OSBPL9: variants seen among roughly 807,000 people sequenced by gnomAD.
The protein encoded by OSBPL9 is oxysterol-binding protein-related protein 9.
A neutral mutation model predicts 106.6 loss-of-function variants in OSBPL9; 40 were observed. The ratio of observed to expected loss-of-function variants is 0.38; its 90% confidence interval spans 0.29 to 0.49. OSBPL9 has a LOEUF of 0.49. Ranked by LOEUF, OSBPL9 falls within the 20% of genes least tolerant of loss-of-function variation. The probability of loss-of-function intolerance (pLI) is 0.97; values close to 1 mark genes in which losing one functional copy is unlikely to be tolerated. For synonymous variants in OSBPL9, 269 were observed against 295.4 expected, an observed-to-expected ratio of 0.91 and a Z score of 0.92; for missense variants, 609 against 887.2, an observed-to-expected ratio of 0.69 and a Z score of 3.98.
chr1:51,643,515 T>A (rs1645941541), intron 1 of OSBPL9, among the ~76,000 whole-genome samples: 1 of 152,080 alleles, frequency 6.6e-6, no homozygotes, highest in Admixed American at 6.6e-5. Flanking sequence ...TTCAGGGAAC[T>A]GAAAGATGAG....
chr1:51,558,804 T>C, the OSBPL9 span, among the ~76,000 whole-genome samples: 1 of 152,212 alleles, frequency 6.6e-6, no homozygotes, highest in African/African-American at 2.4e-5. Context: ...CCGGCTTTTC[T>C]GGGCAGTGGG....
chr1:51,681,389 T>G (rs1557681918), intron 3 of OSBPL9, among the ~76,000 whole-genome samples: 2 of 152,280 alleles, frequency 1.3e-5, no homozygotes, highest in South Asian at 2.1e-4. Context: ...TTTTATTCCT[T>G]TCCTTCAAAA....
intron 1 of OSBPL9, among the ~76,000 whole-genome samples, chr1:51,637,477 AAAAT>A (rs1264307116): frequency 3.3e-5 from 5 of 152,248 alleles, no homozygotes; most frequent in African/African-American, 1.2e-4. Context: ...CTGTCTCAAA[AAAAT>A]AAATAAATAA....
intron 2 of OSBPL9, among the ~76,000 whole-genome samples, chr1:51,657,755 A>G (rs1321771661): frequency 6.6e-6 from 1 of 152,174 alleles, no homozygotes; most frequent in African/African-American, 2.4e-5. Flanking sequence ...AAAACAAAAC[A>G]TTGGCATTTT....
rs41301267 is a variant in OSBPL9, at chr1:51,772,429, T to C, written c.1052-176T>C. On this transcript the variant is annotated intron_variant, in intron 13 of 23. Transcript: ENST00000428468. ...GCCAAGGAGGCTGATTCAGGAGAAT[T>C]GCTTGAACCTGGAAGATGGAGGTTT... Among the ~76,000 whole-genome samples the C allele has an allele frequency of 6.4e-3, 968 of 152,306 alleles. 7 individuals are homozygous for C. The highest frequency in any genetic ancestry group is 0.011 in the Non-Finnish European group (756 of 68,018).
Position 51,772,598 on chromosome 1 carries a change from A to ATT in OSBPL9, c.1052-4_1052-3dup. ...GCACCATTCTAATAAGATCTGCTTT[A>ATT]TTTTAGACCTGTTTGATTCACATGA... On this transcript the variant is annotated splice_region_variant and splice_polypyrimidine_tract_variant and intron_variant, in intron 13 of 23. Transcript: ENST00000428468. The ATT allele has an allele frequency of 6.2e-7, 1 of 1,606,730 alleles. No individual in the cohort carries two copies. The highest frequency in any genetic ancestry group is 8.5e-7 in the Non-Finnish European group (1 of 1,173,232).
intron 12 of OSBPL9, among the ~76,000 whole-genome samples, chr1:51,770,287 G>T (rs1673582972): frequency 6.6e-6 from 1 of 151,994 alleles, no homozygotes; most frequent in African/African-American, 2.4e-5. Context: ...GACTACAGGC[G>T]CATGCCACCA....
At chr1:51,530,193 C>CAAAAAAAAAA in the OSBPL9 span, among the ~76,000 whole-genome samples, 2 of 55,664 alleles carry the variant, frequency 3.6e-5, no homozygotes, top group South Asian at 6.1e-4. Context: ...AAAAAAAAAA[C>CAAAAAAAAAA]AAAAAAAAAA....
At chr1:51,662,092 G>A (rs1395347440) in intron 2 of OSBPL9, among the ~76,000 whole-genome samples, 1 of 152,314 alleles carries the variant, frequency 6.6e-6, no homozygotes, top group East Asian at 1.9e-4. Context: ...TTGTGTGAAG[G>A]TGAAGAAGAA....
At chr1:51,642,434 A>G (rs1645861473) in intron 1 of OSBPL9, among the ~76,000 whole-genome samples, 1 of 152,206 alleles carries the variant, frequency 6.6e-6, no homozygotes, top group African/African-American at 2.4e-5. Flanking sequence ...GGTATTCTGG[A>G]TCAGAGACAT....
chr1:51,585,030 C>T (rs1158720040), intron 1 of OSBPL9, among the ~76,000 whole-genome samples: 1 of 152,004 alleles, frequency 6.6e-6, no homozygotes, highest in African/African-American at 2.4e-5. Context: ...GTGAGCTAGC[C>T]ATGTGCAGTG....
At chr1:51,576,644 C>G (rs1645185753), upstream of OSBPL9, among the ~76,000 whole-genome samples, 1 of 151,982 alleles carries the variant, frequency 6.6e-6, no homozygotes, top group African/African-American at 2.4e-5. Flanking sequence ...CCTCCCAACT[C>G]AGCCTCCTAA....
chr1:51,764,525 A>G (rs72900013), intron 11 of OSBPL9, among the ~76,000 whole-genome samples: 18,827 of 151,764 alleles, frequency 0.12, 1,279 homozygotes, highest in Middle Eastern at 0.23. Context: ...GCTTTTTTTC[A>G]CAACTATTGA....
upstream of OSBPL9, among the ~76,000 whole-genome samples, chr1:51,613,007 T>G (rs950179944): frequency 3.3e-5 from 5 of 152,198 alleles, no homozygotes; most frequent in Non-Finnish European, 1.5e-5. Flanking sequence ...GAAGGATTGT[T>G]GAGGGGAATA....
At chr1:51,648,980 T>G (rs1053126808) in intron 1 of OSBPL9, among the ~76,000 whole-genome samples, 5 of 152,188 alleles carry the variant, frequency 3.3e-5, no homozygotes, top group Admixed American at 3.3e-4. Context: ...TATTGCCCTC[T>G]TTGTAAACCT....
At chr1:51,587,375 A>AAAG (rs775642144) in intron 1 of OSBPL9, among the ~76,000 whole-genome samples, 2 of 152,156 alleles carry the variant, frequency 1.3e-5, no homozygotes, top group Non-Finnish European at 2.9e-5. Flanking sequence ...AAAATAAAAA[A>AAAG]AAGAAGAAGA....
chr1:51,672,319 G>A (rs1047261351), intron 3 of OSBPL9, among the ~76,000 whole-genome samples: 9 of 152,196 alleles, frequency 5.9e-5, no homozygotes, highest in East Asian at 5.8e-4. Flanking sequence ...AGAAGTGGTC[G>A]AATTGTGTGC....
chr1:51,620,380 C>G lies in OSBPL9; in HGVS notation c.111+3159C>G, dbSNP rs191070795. On this transcript the variant is annotated intron_variant, in intron 1 of 23. Coordinates refer to ENST00000428468, the MANE Select transcript of OSBPL9 (RefSeq NM_024586.6). ...TTGTTAGGAAGTGGGGTTAAAGTGG[C>G]AAATAAGATGGAAATTGTTCATCCT... 1.3e-4 allele frequency among the ~76,000 whole-genome samples: 20 copies of G among 152,010 alleles called. No individual in the cohort carries two copies. The East Asian group carries it at 3.9e-3, about 29-fold the overall frequency.
chr1:51,618,617 C>T (rs1644232857), intron 1 of OSBPL9, among the ~76,000 whole-genome samples: 1 of 152,182 alleles, frequency 6.6e-6, no homozygotes, highest in Admixed American at 6.5e-5. Context: ...CTGCTATGTG[C>T]GTTTTCATGC....
Sources: gnomAD v4.1 joint callset for allele counts (sites outside exome capture counted in the v4.1 genomes callset) on GRCh38, gnomAD v4.1.1 for gene constraint, MANE v1.5 for transcripts, NCBI Gene and HGNC (gene_info 2026-07-23, HGNC 2026-07-21) for gene names.